GNG7: variants seen among roughly 807,000 people sequenced by gnomAD.
GNG7 encodes G protein subunit gamma 7.
GNG7 carries 1 observed loss-of-function variant against 4.0 expected under a neutral mutation model. The ratio of observed to expected loss-of-function variants is 0.25; its 90% CI spans 0.09 to 1.18. The LOEUF (loss-of-function observed/expected upper bound fraction) is 1.18, where lower values mean the gene tolerates loss of function less well. GNG7 is among the 50% of genes most tolerant of loss of function. The pLI is 0.50. For synonymous variants in GNG7, 34 were observed against 36.9 expected, an observed-to-expected ratio of 0.92 and a Z score of 0.29; for missense variants, 86 against 91.9, an observed-to-expected ratio of 0.94 and a Z score of 0.26.
intron 2 of GNG7, among the ~76,000 whole-genome samples, chr19:2,622,357 G>A (rs914295683): frequency 3.9e-5 from 6 of 152,244 alleles, no homozygotes; most frequent in African/African-American, 1.4e-4. Context: ...GGGATTACAG[G>A]CATGAGCCAC....
At chr19:2,636,527 T>C (rs1377781314) in intron 2 of GNG7, among the ~76,000 whole-genome samples, 1 of 152,156 alleles carries the variant, frequency 6.6e-6, no homozygotes, top group African/African-American at 2.4e-5. Context: ...GCTTTATGCC[T>C]TCCATTCTCT....
Position 2,545,951 on chromosome 19 carries a change from C to T in GNG7, c.-38+9198G>A, listed in dbSNP as rs578077602. Among the ~76,000 whole-genome samples the T allele has an allele frequency of 7.2e-5, 10 of 139,308 alleles. No individual in the cohort carries two copies. In the South Asian group the frequency reaches 2.4e-3, roughly 34 times the overall value. 91.4% of individuals were successfully genotyped at this position (139,308 alleles called of 152,430 possible). A position where few individuals can be genotyped will look rare whatever the true frequency, so the allele number is the denominator to read the frequency against. ...GCCTGGGCAACGGAGCGAGACTCTG[C>T]CTCAAAAACAAAACAAAACAAAACA... On this transcript the variant is annotated intron_variant, in intron 3 of 4. Coordinates refer to ENST00000382159, the MANE Select transcript of GNG7 (RefSeq NM_052847.3).
At chr19:2,607,088 G>C (rs928391035) in intron 2 of GNG7, among the ~76,000 whole-genome samples, 3 of 151,860 alleles carry the variant, frequency 2.0e-5, no homozygotes, top group Non-Finnish European at 2.9e-5. Context: ...GGGCATGGTG[G>C]TGTGTGTCTG....
intron 2 of GNG7, among the ~76,000 whole-genome samples, chr19:2,573,015 TCTC>T (rs1409727076): frequency 1.3e-5 from 2 of 149,490 alleles, no homozygotes; most frequent in African/African-American, 2.5e-5. Flanking sequence ...TCTGGAAATT[TCTC>T]CTTTTTTTTT....
intron 2 of GNG7, among the ~76,000 whole-genome samples, chr19:2,596,475 TGGGTAACATA>T (rs1352525560): frequency 6.6e-6 from 1 of 151,982 alleles, no homozygotes; most frequent in Non-Finnish European, 1.5e-5. Flanking sequence ...CAGACCAGCC[TGGGTAACATA>T]GTGAGACCCC....
At chr19:2,536,026 G>C (rs1474204802) in intron 3 of GNG7, among the ~76,000 whole-genome samples, 1 of 152,138 alleles carries the variant, frequency 6.6e-6, no homozygotes, top group Non-Finnish European at 1.5e-5. Flanking sequence ...TTGGATGGCT[G>C]AGGCAGGAGG....
intron 2 of GNG7, among the ~76,000 whole-genome samples, chr19:2,593,430 T>A (rs1980910953): frequency 6.6e-6 from 1 of 152,210 alleles, no homozygotes; most frequent in Non-Finnish European, 1.5e-5. Flanking sequence ...GCCTTCAAGC[T>A]GCTCTAAAGA....
rs1457902417 is a variant in GNG7, at chr19:2,611,844, T to G, written c.-78+34380A>C. ...GAGGGAGATTCTGTCTCTAAAAAAA[T>G]AAAAAGTAAAAGTAAAAGTAAATAA... is the stretch of plus-strand genomic sequence containing the variant. On this transcript the variant is annotated intron_variant, in intron 2 of 4. Coordinates refer to ENST00000382159, the MANE Select transcript of GNG7 (RefSeq NM_052847.3). This position sits in a 1 kb window ranked among gnomAD's most constrained non-coding sequence, Gnocchi z 6.0. The G allele has an allele frequency of 6.6e-6, 1 of 151,680 alleles. No homozygotes were observed. Among genetic ancestry groups the G allele is most frequent in the Non-Finnish European group, 1.5e-5 (1 of 67,914 alleles). 9.4% of individuals were successfully genotyped at this position (151,680 alleles called of 1,614,324 possible).
At position 2,689,047 on chromosome 19, in the gene GNG7, G is replaced by C. The variant is rs543567157; in HGVS notation, c.-135+13599C>G. Among the ~76,000 whole-genome samples the C allele has an allele frequency of 2.0e-5, 3 of 151,622 alleles. No individual in the cohort carries two copies. In the South Asian group the frequency reaches 6.2e-4, roughly 31 times the overall value. On this transcript the variant is annotated intron_variant, in intron 1 of 4. Transcript: ENST00000382159. The stretch of plus-strand genomic sequence containing the variant: ...TCCACTGCACTTAGCCTGGGCGACA[G>C]AGTAAGACTCTGTCTCAAAAAAAAA...
chr19:2,526,548 AT>A (rs1978403136), intron 3 of GNG7, among the ~76,000 whole-genome samples: 1 of 148,882 alleles, frequency 6.7e-6, no homozygotes, highest in Non-Finnish European at 1.5e-5. Context: ...TTTATCATGC[AT>A]TTATTACATA....
chr19:2,550,414 C>T (rs891097708), intron 3 of GNG7, among the ~76,000 whole-genome samples: 5 of 152,150 alleles, frequency 3.3e-5, no homozygotes, highest in Admixed American at 1.3e-4. Flanking sequence ...TTGGTAGAGT[C>T]GCGGTTTCAC....
At chr19:2,540,894 G>A (rs1179107482) in intron 3 of GNG7, among the ~76,000 whole-genome samples, 1 of 152,202 alleles carries the variant, frequency 6.6e-6, no homozygotes, top group Non-Finnish European at 1.5e-5. Flanking sequence ...CTCATAGTTG[G>A]GAAAGTGCCA....
At chr19:2,558,635 T>A (rs1229180317) in intron 2 of GNG7, among the ~76,000 whole-genome samples, 1 of 142,350 alleles carries the variant, frequency 7.0e-6, no homozygotes, top group East Asian at 2.1e-4. Flanking sequence ...GATAAAGTGC[T>A]GGGATTGTGG....
rs547554320 is a variant in GNG7 at position 2,684,199 on chromosome 19, C to T, written c.-135+18447G>A. 3.0e-3 allele frequency among the ~76,000 whole-genome samples: 438 copies of T among 147,214 alleles called. 3 individuals carry two copies. The highest frequency in any genetic ancestry group is 0.01 in the African/African-American group (397 of 39,194). ...TCGCCCAGGCTGGAGTGCAATGGTGCGATCTCGGCTCACTGCAAGCTCCTC... is the reference window on the plus strand; with the variant it reads ...TCGCCCAGGCTGGAGTGCAATGGTGTGATCTCGGCTCACTGCAAGCTCCTC... On this transcript the variant is annotated intron_variant, in intron 1 of 4. Coordinates refer to ENST00000382159, the MANE Select transcript of GNG7 (RefSeq NM_052847.3).
intron 1 of GNG7, among the ~76,000 whole-genome samples, chr19:2,658,270 A>C (rs1017390210): frequency 6.6e-6 from 1 of 151,988 alleles, no homozygotes; most frequent in African/African-American, 2.4e-5. Context: ...GGGGTCTGCA[A>C]ATTTTTTCTG....
intron 1 of GNG7, among the ~76,000 whole-genome samples, chr19:2,684,854 T>A (rs1210037611): frequency 6.6e-6 from 1 of 151,428 alleles, no homozygotes; most frequent in Non-Finnish European, 1.5e-5. Context: ...ACGGGCGCAG[T>A]GGCTCACGCC....
At chr19:2,561,714 TAAAA>T (rs370642587) in intron 2 of GNG7, among the ~76,000 whole-genome samples, 1 of 136,784 alleles carries the variant, frequency 7.3e-6, no homozygotes, top group Non-Finnish European at 1.6e-5. Flanking sequence ...CCGTCTCTAC[TAAAA>T]AAAAAAAAAA....
intron 3 of GNG7, among the ~76,000 whole-genome samples, chr19:2,553,851 G>T (rs1979451964): frequency 7.1e-6 from 1 of 140,858 alleles, no homozygotes; most frequent in Admixed American, 7.1e-5. Context: ...TTGCATACAT[G>T]TACATATTAT....
At chr19:2,657,349 AAAAAAAAAAAAAATAT>A (rs1268471330) in intron 1 of GNG7, among the ~76,000 whole-genome samples, 15 of 19,664 alleles carry the variant, frequency 7.6e-4, no homozygotes, top group South Asian at 6.3e-3. Flanking sequence ...AAAAAAAAAA[AAAAAAAAAAAAAATAT>A]ATATATATAT....
Sources: gnomAD v4.1 joint callset for allele counts (sites outside exome capture counted in the v4.1 genomes callset) on GRCh38, gnomAD v4.1.1 for gene constraint, Gnocchi (gnomAD v3.1) non-coding constraint, MANE v1.5 for transcripts, NCBI Gene and HGNC (gene_info 2026-07-23, HGNC 2026-07-21) for gene names.